Variants in ARL15 observed in about 807,000 individuals in gnomAD.
ARL15 encodes ARF like GTPase 15.
ARL15 carries 19 observed loss-of-function variants against 25.2 expected under a neutral mutation model. The observed-to-expected ratio is 0.75, with a 90% CI of 0.53 to 1.10. ARL15 has a LOEUF of 1.10. Among genes scored for constraint, ARL15 ranks in the 50% least tolerant of loss-of-function variants. The pLI, the probability that ARL15 is intolerant of heterozygous loss-of-function variation, is 0.00. For synonymous variants in ARL15, 94 were observed against 86.8 expected, an observed-to-expected ratio of 1.08 and a Z score of -0.46; for missense variants, 220 against 246.0, an observed-to-expected ratio of 0.89 and a Z score of 0.71.
At chr5:54,137,986 T>C (rs939625545) in intron 3 of ARL15, among the ~76,000 whole-genome samples, 1 of 152,086 alleles carries the variant, frequency 6.6e-6, no homozygotes, top group African/African-American at 2.4e-5. Flanking sequence ...GCCTTAGAAA[T>C]GGTCTGGAAA....
intron 1 of ARL15, among the ~76,000 whole-genome samples, chr5:54,276,207 CTT>C (rs1003660093): frequency 1.3e-5 from 2 of 152,142 alleles, no homozygotes; most frequent in African/African-American, 4.8e-5. Context: ...GTGTGTCTCA[CTT>C]TGTTTTAGAG....
At chr5:54,198,803 G>C (rs929980138) in intron 1 of ARL15, among the ~76,000 whole-genome samples, 11 of 151,258 alleles carry the variant, frequency 7.3e-5, no homozygotes, top group African/African-American at 2.4e-4. Flanking sequence ...CTACTTTAAA[G>C]TTCATATGGA....
intron 4 of ARL15, among the ~76,000 whole-genome samples, chr5:54,023,320 A>G (rs1749676393): frequency 8.9e-6 from 1 of 112,836 alleles, no homozygotes; most frequent in Non-Finnish European, 2.0e-5. Flanking sequence ...TTACAGATAT[A>G]TGGAAATGCA....
chr5:53,987,320 G>C (rs1561177695), intron 4 of ARL15, among the ~76,000 whole-genome samples: 1 of 152,014 alleles, frequency 6.6e-6, no homozygotes, highest in Non-Finnish European at 1.5e-5. Context: ...TCTGGCCGGG[G>C]GTGGGGTGGG....
chr5:54,127,908 A>G (rs1035862898), intron 3 of ARL15, among the ~76,000 whole-genome samples: 3 of 152,090 alleles, frequency 2.0e-5, no homozygotes, highest in Admixed American at 2.0e-4. Context: ...GAGAAAAACA[A>G]GCAATGGGGA....
At chr5:53,980,625 T>C (rs993188681) in intron 4 of ARL15, among the ~76,000 whole-genome samples, 8 of 152,208 alleles carry the variant, frequency 5.3e-5, no homozygotes, top group African/African-American at 1.9e-4. Context: ...TAATTTACTT[T>C]TAATCCCACA....
intron 4 of ARL15, among the ~76,000 whole-genome samples, chr5:53,924,438 G>C (rs778763508): frequency 6.6e-6 from 1 of 152,154 alleles, no homozygotes; most frequent in Non-Finnish European, 1.5e-5. Context: ...CCAAAGAACT[G>C]ATACAGAAAA....
At chr5:53,979,830 TG>T (rs1380062948) in intron 4 of ARL15, among the ~76,000 whole-genome samples, 5 of 158 alleles carry the variant, frequency 0.032, no homozygotes, top group Admixed American at 0.12. Flanking sequence ...TAAAGTCTTT[TG>T]TGTGTGTGTG....
Position 54,154,626 on chromosome 5 carries a change from T to C in ARL15, c.207A>G (p.Lys69=). The change falls in exon 3 of 5, where the codon AAA becomes AAG. Residue 69 remains lysine, a synonymous_variant. Coordinates refer to ENST00000504924, the MANE Select transcript of ARL15 (RefSeq NM_019087.3). ...NVVSTTGFSI[K]AVPFQNAILN... Reference sequence around the variant, plus strand: ...AGATGGCATTCTGGAATGGCACTGCTTTAATACTAAAACCTAAAATTAGAA... The same window carrying C: ...AGATGGCATTCTGGAATGGCACTGCCTTAATACTAAAACCTAAAATTAGAA... 2 of 1,520,580 alleles carry C rather than the reference T, an allele frequency of 1.3e-6. No homozygotes were observed. Among genetic ancestry groups the C allele is most frequent in the Non-Finnish European group, 1.8e-6 (2 of 1,136,216 alleles). 94.2% of individuals were successfully genotyped at this position (1,520,580 alleles called of 1,614,324 possible). A position where few individuals can be genotyped will look rare whatever the true frequency, so the allele number is the denominator to read the frequency against.
At chr5:53,927,858 G>T (rs1443563760) in intron 4 of ARL15, among the ~76,000 whole-genome samples, 1 of 152,136 alleles carries the variant, frequency 6.6e-6, no homozygotes, top group Non-Finnish European at 1.5e-5. Context: ...GGCAGGCTGG[G>T]TTCAAAGTCT....
chr5:54,075,484 C>T (rs1298245113), intron 4 of ARL15: 1 of 111,338 alleles, frequency 9.0e-6, no homozygotes, highest in African/African-American at 2.6e-5. Flanking sequence ...AATATATATT[C>T]CTTTTTTTTT....
intron 4 of ARL15, among the ~76,000 whole-genome samples, chr5:54,010,928 A>G (rs1749217536): frequency 6.7e-6 from 1 of 149,588 alleles, no homozygotes; most frequent in Admixed American, 6.7e-5. Flanking sequence ...TGAACCCGGG[A>G]GGCGGAGCTT....
chr5:54,047,745 C>A (rs116467035), intron 4 of ARL15, among the ~76,000 whole-genome samples: 2 of 152,186 alleles, frequency 1.3e-5, no homozygotes, highest in Non-Finnish European at 2.9e-5. Context: ...AATTCTTCCA[C>A]GGTTGAAGAC....
chr5:54,142,433 A>T (rs1399718666), intron 3 of ARL15, among the ~76,000 whole-genome samples: 1 of 152,192 alleles, frequency 6.6e-6, no homozygotes, highest in Non-Finnish European at 1.5e-5. Context: ...CATTGGTACC[A>T]GGAGCTAACC....
intron 4 of ARL15, among the ~76,000 whole-genome samples, chr5:54,004,155 A>C (rs1451162068): frequency 2.0e-5 from 3 of 152,234 alleles, no homozygotes; most frequent in Non-Finnish European, 4.4e-5. Context: ...CCAGCACTTT[A>C]CGTATAATAA....
chr5:54,248,920 C>T (rs549807162), intron 1 of ARL15, among the ~76,000 whole-genome samples: 74 of 152,110 alleles, frequency 4.9e-4, no homozygotes, highest in Non-Finnish European at 8.2e-4. Context: ...ACCAGACTGA[C>T]GGCTGGGTGT....
At chr5:53,938,221 C>T (rs1312461285) in intron 4 of ARL15, among the ~76,000 whole-genome samples, 2 of 147,652 alleles carry the variant, frequency 1.4e-5, no homozygotes, top group African/African-American at 5.1e-5. Flanking sequence ...AGGAGTTTAT[C>T]CATATTTCTC....
At chr5:53,968,922 T>G (rs1354122543) in intron 4 of ARL15, among the ~76,000 whole-genome samples, 1 of 151,390 alleles carries the variant, frequency 6.6e-6, no homozygotes, top group Non-Finnish European at 1.5e-5. Flanking sequence ...CTGAGGTGGG[T>G]GGATCACCTG....
chr5:53,951,138 C>T (rs1304947559), intron 4 of ARL15, among the ~76,000 whole-genome samples: 1 of 152,204 alleles, frequency 6.6e-6, no homozygotes, highest in Non-Finnish European at 1.5e-5. Flanking sequence ...CACTGAAACA[C>T]AGCAAGATTC....
Sources: gnomAD v4.1 joint callset for allele counts (sites outside exome capture counted in the v4.1 genomes callset) on GRCh38, gnomAD v4.1.1 for gene constraint, MANE v1.5 for transcripts, NCBI Gene and HGNC (gene_info 2026-07-23, HGNC 2026-07-21) for gene names.